GPR176: variants seen among roughly 807,000 people sequenced by gnomAD.
GPR176 encodes G-protein coupled receptor 176.
Under a neutral mutation model 35.4 loss-of-function variants are expected in GPR176, and 26 were observed. That is an observed-to-expected ratio of 0.74 (90% CI 0.54 to 1.02). The LOEUF (loss-of-function observed/expected upper bound fraction) is 1.02. Among genes scored for constraint, GPR176 ranks in the 50% least tolerant of loss-of-function variants. The pLI is 0.00. For missense variants in GPR176, 597 were observed against 665.3 expected (o/e 0.90, Z 1.13); for synonymous variants, 278 against 271.3 (o/e 1.02, Z -0.24).
chr15:39,895,042 A>C (rs1388491436), intron 1 of GPR176, among the ~76,000 whole-genome samples: 1 of 152,226 alleles, frequency 6.6e-6, no homozygotes, highest in African/African-American at 2.4e-5. Context: ...CGGCCTGGCC[A>C]ACATAGCGAA....
chr15:39,915,316 A>G (rs577563356), intron 1 of GPR176, among the ~76,000 whole-genome samples: 1 of 152,320 alleles, frequency 6.6e-6, no homozygotes, highest in East Asian at 1.9e-4. Context: ...GCAAAGAAAG[A>G]GAGGGCAAGC....
intron 1 of GPR176, among the ~76,000 whole-genome samples, chr15:39,832,579 C>T (rs551639057): frequency 6.6e-6 from 1 of 151,544 alleles, no homozygotes. Flanking sequence ...TTTCACTTCC[C>T]TGGGCCAGAC....
chr15:39,870,682 C>T (rs536031476), intron 1 of GPR176, among the ~76,000 whole-genome samples: 1 of 151,926 alleles, frequency 6.6e-6, no homozygotes, highest in Non-Finnish European at 1.5e-5. Context: ...GTGGGACCTG[C>T]GAGTATGATG....
chr15:39,895,536 T>G (rs1428119561), intron 1 of GPR176, among the ~76,000 whole-genome samples: 2 of 152,230 alleles, frequency 1.3e-5, no homozygotes, highest in African/African-American at 4.8e-5. Flanking sequence ...GTCTTTCCCC[T>G]CTACTTTTCA....
At position 39,863,705 on chromosome 15, in the gene GPR176, T is replaced by C. The variant is rs533143306; in HGVS notation, c.172+56150A>G. On this transcript the variant is annotated intron_variant, in intron 1 of 2. Coordinates refer to ENST00000561100, the MANE Select transcript of GPR176 (RefSeq NM_007223.3). ...AGCTCCATTCATGTTAAGTACTCTA[T>C]ACAAGTGTACCATTTTTTATCTTTT... 1.3e-4 allele frequency among the ~76,000 whole-genome samples: 20 copies of C among 152,354 alleles called. No individual in the cohort carries two copies. In the East Asian group the frequency reaches 3.7e-3, roughly 28 times the overall value.
At chr15:39,902,663 G>A (rs921650202) in intron 1 of GPR176, among the ~76,000 whole-genome samples, 1 of 152,184 alleles carries the variant, frequency 6.6e-6, no homozygotes, top group Non-Finnish European at 1.5e-5. Flanking sequence ...CTTGAACTCT[G>A]TGTTCCTGGA....
At chr15:39,915,635 C>G (rs1407957371) in intron 1 of GPR176, among the ~76,000 whole-genome samples, 3 of 152,098 alleles carry the variant, frequency 2.0e-5, no homozygotes, top group Non-Finnish European at 4.4e-5. Context: ...AGAACTTTGG[C>G]AGGGTGAGGC....
intron 1 of GPR176, among the ~76,000 whole-genome samples, chr15:39,821,362 T>C (rs533074279): frequency 2.0e-5 from 3 of 152,304 alleles, no homozygotes; most frequent in Middle Eastern, 3.4e-3. Context: ...CACAGTGCAA[T>C]CAATGTCACT....
chr15:39,804,397 C>T (rs1409320706), intron 2 of GPR176, among the ~76,000 whole-genome samples: 1 of 152,126 alleles, frequency 6.6e-6, no homozygotes, highest in African/African-American at 2.4e-5. Flanking sequence ...AGGAATTCAC[C>T]AGCCCTGTTT....
At chr15:39,803,422 GGCAT>G (rs1226187396) in intron 2 of GPR176, among the ~76,000 whole-genome samples, 6 of 151,876 alleles carry the variant, frequency 4.0e-5, no homozygotes, top group Non-Finnish European at 1.5e-5. Flanking sequence ...TGGGATTACA[GGCAT>G]GCACTACCAC....
intron 1 of GPR176, among the ~76,000 whole-genome samples, chr15:39,890,451 A>G (rs2032829228): frequency 6.6e-6 from 1 of 152,020 alleles, no homozygotes; most frequent in Non-Finnish European, 1.5e-5. Flanking sequence ...AACAGAGGTG[A>G]ATGGAAGGCT....
intron 1 of GPR176, among the ~76,000 whole-genome samples, chr15:39,916,401 TGA>T (rs1313316034): frequency 6.6e-6 from 1 of 152,204 alleles, no homozygotes; most frequent in African/African-American, 2.4e-5. Context: ...ACATATTATT[TGA>T]ATAATATTAT....
chr15:39,909,317 G>A (rs932724440), intron 1 of GPR176, among the ~76,000 whole-genome samples: 1 of 152,158 alleles, frequency 6.6e-6, no homozygotes. Flanking sequence ...GTAATAGTTG[G>A]TACATGGCAA....
chr15:39,856,020 C>G (rs1475365253), intron 1 of GPR176, among the ~76,000 whole-genome samples: 7 of 152,138 alleles, frequency 4.6e-5, no homozygotes, highest in Admixed American at 4.6e-4. Flanking sequence ...TATCACTTGA[C>G]CAATATCACC....
intron 1 of GPR176, 137 bp from the exon 2 acceptor site, chr15:39,807,395 T>C (rs893095262): frequency 2.7e-6 from 2 of 729,720 alleles, no homozygotes; most frequent in Admixed American, 7.3e-5. Flanking sequence ...ATCCTAATAT[T>C]AAAATTTAAC....
chr15:39,882,140 A>C (rs186600013), intron 1 of GPR176, among the ~76,000 whole-genome samples: 37 of 152,354 alleles, frequency 2.4e-4, no homozygotes, highest in Non-Finnish European at 5.0e-4. Context: ...CAGAAGCATT[A>C]CTCAAAGTTA....
At chr15:39,836,901 T>C (rs1183376714) in intron 1 of GPR176, among the ~76,000 whole-genome samples, 1 of 152,190 alleles carries the variant, frequency 6.6e-6, no homozygotes, top group Non-Finnish European at 1.5e-5. Context: ...AATGCAGTGT[T>C]ACATTCAACT....
chr15:39,830,613 G>C (rs1198899395), intron 1 of GPR176, among the ~76,000 whole-genome samples: 1 of 152,192 alleles, frequency 6.6e-6, no homozygotes. Context: ...AAAAGTGAGA[G>C]TCAGCAGATG....
intron 1 of GPR176, among the ~76,000 whole-genome samples, chr15:39,888,246 T>C (rs56036620): frequency 0.013 from 1,895 of 151,420 alleles, 45 homozygotes; most frequent in African/African-American, 0.041. Context: ...CTCTTGTTGG[T>C]TTTTTTGGGG....
Sources: allele counts gnomAD v4.1 joint callset (sites outside exome capture counted in the v4.1 genomes callset), GRCh38; gene constraint gnomAD v4.1.1; transcripts MANE v1.5; gene names NCBI Gene and HGNC (gene_info 2026-07-23, HGNC 2026-07-21).